CACNA2D3: variants seen among roughly 807,000 people sequenced by gnomAD.
The protein encoded by CACNA2D3 is voltage-dependent calcium channel subunit alpha-2/delta-3.
In CACNA2D3, 60 loss-of-function variants were observed where a neutral mutation model predicts 160.6. The observed-to-expected ratio is 0.37, with a 90% CI of 0.30 to 0.46. CACNA2D3 has a LOEUF of 0.46. Among genes scored for constraint, CACNA2D3 ranks in the 20% least tolerant of loss-of-function variants. The pLI is 1.00. For synonymous variants in CACNA2D3, 558 were observed against 492.9 expected (o/e 1.13, Z -1.75); for missense variants, 1,205 against 1,365.0 (o/e 0.88, Z 1.85).
chr3:54,326,689 G>C (rs1043139263), intron 3 of CACNA2D3, among the ~76,000 whole-genome samples: 1 of 152,134 alleles, frequency 6.6e-6, no homozygotes, highest in Non-Finnish European at 1.5e-5. Flanking sequence ...GAGGTTTTAG[G>C]AACTGAATAT....
chr3:54,584,117 A>G (rs546597526), intron 9 of CACNA2D3, among the ~76,000 whole-genome samples: 2 of 152,146 alleles, frequency 1.3e-5, no homozygotes, highest in Non-Finnish European at 2.9e-5. Context: ...AAGAGAAAAG[A>G]TGAAATCGGA....
At chr3:54,955,960 G>A (rs1314346419) in intron 27 of CACNA2D3, among the ~76,000 whole-genome samples, 1 of 152,100 alleles carries the variant, frequency 6.6e-6, no homozygotes, top group Non-Finnish European at 1.5e-5. Context: ...TCCACTCCAG[G>A]GCTGACTCCC....
At chr3:54,409,648 T>G (rs983711798) in intron 4 of CACNA2D3, among the ~76,000 whole-genome samples, 4 of 152,190 alleles carry the variant, frequency 2.6e-5, no homozygotes, top group African/African-American at 9.7e-5. Flanking sequence ...AGGAAAAGCC[T>G]TGAAGGAAAT....
At chr3:54,931,022 G>A (rs1163999289) in intron 27 of CACNA2D3, among the ~76,000 whole-genome samples, 1 of 152,212 alleles carries the variant, frequency 6.6e-6, no homozygotes, top group Admixed American at 6.5e-5. Context: ...CTTGAACCCA[G>A]GAGGCAGAGG....
chr3:54,747,799 C>G (rs1457092663), intron 11 of CACNA2D3, among the ~76,000 whole-genome samples: 1 of 152,176 alleles, frequency 6.6e-6, no homozygotes, highest in Non-Finnish European at 1.5e-5. Flanking sequence ...CTCCCCCACT[C>G]CATTTTGTCT....
intron 2 of CACNA2D3, among the ~76,000 whole-genome samples, chr3:54,260,661 C>T (rs944223083): frequency 6.6e-6 from 1 of 152,200 alleles, no homozygotes; most frequent in African/African-American, 2.4e-5. Flanking sequence ...TCCTTCCCCT[C>T]ACGTCTCCTA....
intron 27 of CACNA2D3, among the ~76,000 whole-genome samples, chr3:54,951,543 C>T (rs1292573121): frequency 1.3e-5 from 2 of 152,220 alleles, no homozygotes; most frequent in South Asian, 2.1e-4. Context: ...TCTCTACAGA[C>T]TTCCAGAACA....
intron 3 of CACNA2D3, among the ~76,000 whole-genome samples, chr3:54,384,731 T>G (rs1699160418): frequency 6.6e-6 from 1 of 152,208 alleles, no homozygotes; most frequent in African/African-American, 2.4e-5. Flanking sequence ...TTTTGTGTTT[T>G]GTTTTTGAGA....
chr3:54,637,298 A>G (rs1022568437), intron 10 of CACNA2D3, among the ~76,000 whole-genome samples: 5 of 151,804 alleles, frequency 3.3e-5, no homozygotes, highest in African/African-American at 9.7e-5. Flanking sequence ...ATGATCGGTC[A>G]CCAAGGAGGG....
At chr3:54,936,001 A>C (rs1421388571) in intron 27 of CACNA2D3, among the ~76,000 whole-genome samples, 4 of 152,170 alleles carry the variant, frequency 2.6e-5, no homozygotes. Context: ...TCTGGAGTGA[A>C]ACCATCTAGG....
chr3:54,852,172 G>T (rs1289770830), intron 17 of CACNA2D3, among the ~76,000 whole-genome samples: 2 of 152,160 alleles, frequency 1.3e-5, no homozygotes, highest in South Asian at 2.1e-4. Context: ...AGCCTCTCCA[G>T]TGTCCAGGAG....
In CACNA2D3 at chr3:54,304,716, G is replaced by C. The variant is rs143922365; in HGVS notation, c.205-15726G>C. ...GAGTTATTAGGGAGGTCAGGACATG[G>C]GCTATCGAATGAGCCTGCCTGGATT... On this transcript the variant is annotated intron_variant, in intron 2 of 37. Coordinates refer to ENST00000474759, the MANE Select transcript of CACNA2D3 (RefSeq NM_018398.3). 2.1e-3 allele frequency among the ~76,000 whole-genome samples: 319 copies of C among 152,180 alleles called. 3 individuals are homozygous for C. The highest frequency in any genetic ancestry group is 7.1e-3 in the African/African-American group (295 of 41,512).
At position 54,868,293 on chromosome 3, in the gene CACNA2D3, G is replaced by A. The variant is rs548833397; in HGVS notation, c.1627-3246G>A. Among the ~76,000 whole-genome samples the A allele has an allele frequency of 1.6e-3, 237 of 152,120 alleles. 1 individual carries two copies. Among genetic ancestry groups the A allele is most frequent in the African/African-American group, 5.4e-3 (225 of 41,482 alleles). On this transcript the variant is annotated intron_variant, in intron 17 of 37. Transcript: ENST00000474759. ...GAAAAGTGTTTCATACCCATTTTAC[G>A]TACCTGGCTAAGCAGACATTGTAGA...
At chr3:54,506,951 G>A (rs1004843148) in intron 5 of CACNA2D3, among the ~76,000 whole-genome samples, 3 of 152,138 alleles carry the variant, frequency 2.0e-5, no homozygotes, top group East Asian at 1.9e-4. Context: ...CTGAAGTGCT[G>A]TAAAGTTTAT....
chr3:54,636,790 G>A (rs1316421068), intron 10 of CACNA2D3, among the ~76,000 whole-genome samples: 1 of 151,992 alleles, frequency 6.6e-6, no homozygotes. Context: ...GAATTATGCC[G>A]AGATAGGTAA....
At chr3:54,945,623 C>T (rs1701593388) in intron 27 of CACNA2D3, among the ~76,000 whole-genome samples, 1 of 152,206 alleles carries the variant, frequency 6.6e-6, no homozygotes, top group African/African-American at 2.4e-5. Context: ...GTCAGTGCCT[C>T]TCAGCCCACC....
chr3:54,493,058 A>G (rs187504494), intron 4 of CACNA2D3, among the ~76,000 whole-genome samples: 19 of 126,680 alleles, frequency 1.5e-4, no homozygotes, highest in Non-Finnish European at 2.6e-4. Context: ...TATTGCTCAA[A>G]ACTTTTTTTT....
chr3:54,380,003 G>T (rs1699073093), intron 3 of CACNA2D3, among the ~76,000 whole-genome samples: 1 of 152,134 alleles, frequency 6.6e-6, no homozygotes, highest in South Asian at 2.1e-4. Context: ...AATCTACACT[G>T]TTAACGGAGT....
At chr3:54,491,224 G>A (rs1455280535) in intron 4 of CACNA2D3, among the ~76,000 whole-genome samples, 1 of 152,212 alleles carries the variant, frequency 6.6e-6, no homozygotes, top group Non-Finnish European at 1.5e-5. Context: ...TGTGAGAGAA[G>A]CTCAGGTGCG....
Sources: allele counts gnomAD v4.1 joint callset (sites outside exome capture counted in the v4.1 genomes callset), GRCh38; gene constraint gnomAD v4.1.1; transcripts MANE v1.5; gene names NCBI Gene and HGNC (gene_info 2026-07-23, HGNC 2026-07-21).